The following PRKN variants were observed in gnomAD, a reference collection of about 807,000 sequenced individuals.
PRKN encodes parkin RBR E3 ubiquitin protein ligase.
A neutral mutation model predicts 59.5 loss-of-function variants in PRKN; 56 were observed. The ratio of observed to expected loss-of-function variants is 0.94; its 90% confidence interval spans 0.76 to 1.18. The LOEUF (loss-of-function observed/expected upper bound fraction) is 1.18, where lower values mean the gene tolerates loss of function less well. PRKN is among the 50% of genes most tolerant of loss of function. PRKN has a pLI of 0.00. For synonymous variants in PRKN, 250 were observed against 222.1 expected (o/e 1.13, Z -1.12); for missense variants, 657 against 596.4 (o/e 1.10, Z -1.06).
At chr6:162,310,880 ACAAC>A (rs1782479320) in intron 2 of PRKN, among the ~76,000 whole-genome samples, 1 of 152,108 alleles carries the variant, frequency 6.6e-6, no homozygotes, top group Non-Finnish European at 1.5e-5. Flanking sequence ...GAAATTTGAA[ACAAC>A]CACAGCAAAT....
intron 6 of PRKN, among the ~76,000 whole-genome samples, chr6:161,876,274 A>G (rs1794728335): frequency 6.6e-6 from 1 of 152,004 alleles, no homozygotes; most frequent in South Asian, 2.1e-4. Flanking sequence ...TTGTCTTTCC[A>G]TTTTTTGTTT....
chr6:162,357,570 G>A (rs1270508256), intron 2 of PRKN, among the ~76,000 whole-genome samples: 1 of 152,186 alleles, frequency 6.6e-6, no homozygotes, highest in Non-Finnish European at 1.5e-5. Flanking sequence ...CAGTTTGGAA[G>A]ATAGTTTGGC....
chr6:162,164,368 C>T (rs535214504), intron 4 of PRKN, among the ~76,000 whole-genome samples: 1 of 148,252 alleles, frequency 6.7e-6, no homozygotes, highest in South Asian at 2.1e-4. Context: ...GCTACCATGC[C>T]CGGCTAATTT....
At chr6:161,580,769 C>T (rs1248236006) in intron 7 of PRKN, among the ~76,000 whole-genome samples, 1 of 151,944 alleles carries the variant, frequency 6.6e-6, no homozygotes, top group Non-Finnish European at 1.5e-5. Context: ...TGAGCCACCG[C>T]ACCCAGCCCA....
At chr6:161,768,015 G>A (rs1225085187) in intron 7 of PRKN, among the ~76,000 whole-genome samples, 2 of 151,844 alleles carry the variant, frequency 1.3e-5, no homozygotes, top group East Asian at 3.9e-4. Context: ...AAAACTGACT[G>A]GTTTAGAAAA....
At chr6:161,495,248 G>A (rs1777704099) in intron 9 of PRKN, among the ~76,000 whole-genome samples, 1 of 152,136 alleles carries the variant, frequency 6.6e-6, no homozygotes, top group East Asian at 1.9e-4. Flanking sequence ...CTCCAAGGAC[G>A]CTGGCTAGTG....
In PRKN at chr6:161,399,464, C is replaced by T. The variant is rs1043795478; in HGVS notation, c.1084-12587G>A. ...CACAGGCACCCATCCCTAGACACTA[C>T]TGTGGGGCCAGAGCCCAGAAGTGCT... is the stretch of plus-strand genomic sequence containing the variant. On this transcript the variant is annotated intron_variant, in intron 9 of 11. Transcript: ENST00000366898. This position sits in a 1 kb window ranked among gnomAD's most constrained non-coding sequence, Gnocchi z 4.4. Among the ~76,000 whole-genome samples, 2 of 152,206 alleles carry T rather than the reference C, an allele frequency of 1.3e-5. No individual in the cohort carries two copies. Among genetic ancestry groups the T allele is most frequent in the African/African-American group, 4.8e-5 (2 of 41,446 alleles).
intron 1 of PRKN, among the ~76,000 whole-genome samples, chr6:162,519,199 C>T (rs1412488773): frequency 6.6e-6 from 1 of 152,170 alleles, no homozygotes; most frequent in African/African-American, 2.4e-5. Context: ...AACCTACTGG[C>T]AATAAGGGAG....
Position 161,414,260 on chromosome 6 carries a change from C to T in PRKN, c.1084-27383G>A, listed in dbSNP as rs1787733521. 6.6e-6 allele frequency among the ~76,000 whole-genome samples: 1 copy of T among 152,194 alleles called. No individual in the cohort carries two copies. The highest frequency in any genetic ancestry group is 1.5e-5 in the Non-Finnish European group (1 of 68,036). On this transcript the variant is annotated intron_variant, in intron 9 of 11. Transcript: ENST00000366898. The surrounding 1 kb of genome is among the most constrained non-coding windows in gnomAD (Gnocchi z 5.3). ...CCAGATGTCAGAGCCGTGCACCCTT[C>T]TCCGGAAGGCTGGAGGGTGTTCAGC... is the stretch of plus-strand genomic sequence containing the variant.
intron 2 of PRKN, among the ~76,000 whole-genome samples, chr6:162,301,839 C>T (rs1298189534): frequency 5.4e-5 from 8 of 147,754 alleles, no homozygotes; most frequent in Non-Finnish European, 1.0e-4. Flanking sequence ...CTCAATGCTT[C>T]GATTATATCT....
At chr6:162,174,482 T>G (rs370844720) in intron 4 of PRKN, among the ~76,000 whole-genome samples, 9 of 152,172 alleles carry the variant, frequency 5.9e-5, no homozygotes, top group African/African-American at 2.2e-4. Context: ...TCACTTAACC[T>G]GCATATTTCT....
intron 2 of PRKN, among the ~76,000 whole-genome samples, chr6:162,399,103 C>T (rs2128148635): frequency 6.6e-6 from 1 of 152,278 alleles, no homozygotes; most frequent in South Asian, 2.1e-4. Context: ...CATTTTCTCT[C>T]ACCAAGGAAC....
intron 2 of PRKN, chr6:162,264,863 T>C (rs1583287239): frequency 6.6e-6 from 1 of 152,304 alleles, no homozygotes; most frequent in East Asian, 1.9e-4. Flanking sequence ...TATCTTGAAT[T>C]CCTCCTACCT....
intron 6 of PRKN, among the ~76,000 whole-genome samples, chr6:161,914,635 G>A (rs1345531486): frequency 2.0e-5 from 3 of 152,000 alleles, no homozygotes; most frequent in Non-Finnish European, 4.4e-5. Context: ...AACCTAGGAG[G>A]TCTGTTGATC....
At chr6:161,766,715 C>T (rs7774759) in intron 7 of PRKN, among the ~76,000 whole-genome samples, 133,656 of 152,182 alleles carry the variant, frequency 0.88, 58,859 homozygotes, top group East Asian at 0.97. Flanking sequence ...TCTCCACGTA[C>T]TGATTTGATT....
chr6:162,218,521 T>A (rs963804480), intron 3 of PRKN, among the ~76,000 whole-genome samples: 1 of 151,996 alleles, frequency 6.6e-6, no homozygotes, highest in Non-Finnish European at 1.5e-5. Flanking sequence ...CTATCTGGGG[T>A]TGGGGATTGG....
chr6:161,567,027 T>G (rs1350750168), intron 8 of PRKN, among the ~76,000 whole-genome samples: 1 of 114,892 alleles, frequency 8.7e-6, no homozygotes, highest in Admixed American at 8.2e-5. Flanking sequence ...TCCTTGTTTT[T>G]TTTTTTTTTT....
At position 162,654,998 on chromosome 6, in the gene PRKN, A is replaced by C. The variant is rs542499216; in HGVS notation, c.7+72664T>G. ...ATAATGCTCTAGTCTTTTTAATTAA[A>C]CCCCAATATGATTTTCTAACAATTC... is the stretch of plus-strand genomic sequence containing the variant. On this transcript the variant is annotated intron_variant, in intron 1 of 11. Transcript: ENST00000366898. Among the ~76,000 whole-genome samples the C allele has an allele frequency of 2.0e-5, 3 of 152,238 alleles. 1 individual carries two copies. The South Asian group carries it at 6.2e-4, about 32-fold the overall frequency.
chr6:161,727,739 C>T (rs1787504898), intron 7 of PRKN, among the ~76,000 whole-genome samples: 1 of 152,158 alleles, frequency 6.6e-6, no homozygotes, highest in Non-Finnish European at 1.5e-5. Context: ...GCTGTTATTC[C>T]TACCAGACTT....
Sources: gnomAD v4.1 joint callset for allele counts (sites outside exome capture counted in the v4.1 genomes callset) on GRCh38, gnomAD v4.1.1 for gene constraint, Gnocchi (gnomAD v3.1) non-coding constraint, MANE v1.5 for transcripts, NCBI Gene and HGNC (gene_info 2026-07-23, HGNC 2026-07-21) for gene names.